Variants in CAMK2N1 observed in about 807,000 individuals in gnomAD.
The protein encoded by CAMK2N1 is calcium/calmodulin dependent protein kinase II inhibitor 1.
In CAMK2N1, 2 loss-of-function variants were observed where a neutral mutation model predicts 6.4. The observed-to-expected ratio is 0.31, with a 90% confidence interval of 0.13 to 0.98. The LOEUF (loss-of-function observed/expected upper bound fraction) is 0.98. Ranked by LOEUF, CAMK2N1 falls within the 50% of genes least tolerant of loss-of-function variation. The pLI is 0.51. For missense variants in CAMK2N1, 77 were observed against 107.3 expected, an observed-to-expected ratio of 0.72 and a Z score of 1.25; for synonymous variants, 42 against 47.5, an observed-to-expected ratio of 0.88 and a Z score of 0.47.
rs2051484550 is a variant in CAMK2N1 at position 20,483,421 on chromosome 1, T to A, written c.*228A>T. 1 of 293,828 alleles carries A rather than the reference T, an allele frequency of 3.4e-6. No homozygotes were observed. Among genetic ancestry groups the A allele is most frequent in the Non-Finnish European group, 6.1e-6 (1 of 162,980 alleles). 18.2% of individuals were successfully genotyped at this position (293,828 alleles called of 1,614,324 possible). ...AATTTTTATTATTTTTAAAATTTTA[T>A]TTATTTTTTTATTTTTATTTTTGCA... is the stretch of plus-strand genomic sequence containing the variant. On this transcript the variant is annotated 3_prime_UTR_variant, in exon 2 of 2. Transcript: ENST00000375078.
chr1:20,485,350 C>T lies in CAMK2N1; in HGVS notation c.30G>A (p.Glu10=), dbSNP rs1570323312. 3.9e-6 allele frequency: 6 copies of T among 1,534,402 alleles called. No homozygotes were observed. In the African/African-American group the frequency reaches 4.2e-5, roughly 11 times the overall value. The change falls in exon 1 of 2, where the codon GAG becomes GAA. Residue 10 remains glutamate (E), a synonymous_variant. Coordinates refer to ENST00000375078, the MANE Select transcript of CAMK2N1 (RefSeq NM_018584.6). The surrounding 1 kb of genome is among the most constrained non-coding windows in gnomAD (Gnocchi z 8.4). The stretch of plus-strand genomic sequence containing the variant: ...CGCCGTCGCCGTAGGGGCTCAGCTT[C>T]TCGTCGCCGTAGGGCAGCACCTCCG... MSEVLPYGD[E]KLSPYGDGGD...
In CAMK2N1 at chr1:20,485,134, G is replaced by C; in HGVS notation, c.166+80C>G. 7.0e-7 allele frequency: 1 copy of C among 1,432,412 alleles called. No individual in the cohort carries two copies. Among genetic ancestry groups the C allele is most frequent in the Non-Finnish European group, 9.3e-7 (1 of 1,074,288 alleles). 88.7% of individuals were successfully genotyped at this position (1,432,412 alleles called of 1,614,324 possible). On this transcript the variant is annotated intron_variant, in intron 1 of 1. Coordinates refer to ENST00000375078, the MANE Select transcript of CAMK2N1 (RefSeq NM_018584.6). This position sits in a 1 kb window ranked among gnomAD's most constrained non-coding sequence, Gnocchi z 8.4. ...CCGTCAGGTCTGAACGGGCTCCAGCGGGTGGGAGACCTCCGCAACCCTTGT... is the reference window on the plus strand; with the variant it reads ...CCGTCAGGTCTGAACGGGCTCCAGCCGGTGGGAGACCTCCGCAACCCTTGT...
chr1:20,485,578 C>G lies in CAMK2N1; in HGVS notation c.-199G>C. The stretch of plus-strand genomic sequence containing the variant: ...TCGCGCGAGCGGCCCGGAGAGCGCC[C>G]GCGGCTGCGCTGCGCTGCGCTCCGG... On this transcript the variant is annotated 5_prime_UTR_variant, in exon 1 of 2. Transcript: ENST00000375078. This position sits in a 1 kb window ranked among gnomAD's most constrained non-coding sequence, Gnocchi z 8.4. 1 of 170,060 alleles carries G rather than the reference C, an allele frequency of 5.9e-6. No individual in the cohort carries two copies. The allele number at this position is 170,060 out of a possible 1,614,324, so 10.5% of individuals were successfully genotyped here. A position where few individuals can be genotyped will look rare whatever the true frequency, so the allele number is the denominator to read the frequency against.
intron 1 of CAMK2N1, among the ~76,000 whole-genome samples, 165 bp from the exon 2 acceptor site, chr1:20,483,884 C>T (rs929287516): frequency 6.6e-6 from 1 of 152,208 alleles, no homozygotes; most frequent in Admixed American, 6.5e-5. Flanking sequence ...GCCAGGGGTC[C>T]CTTCCCTGCT....
rs771919188 is a variant in CAMK2N1 at position 20,485,374 on chromosome 1, C to G, written c.6G>C (p.Ser2=). 4.3e-6 allele frequency: 6 copies of G among 1,394,810 alleles called. No homozygotes were observed. In the African/African-American group the frequency reaches 9.0e-5, roughly 21 times the overall value. The allele number at this position is 1,394,810 out of a possible 1,614,324, so 86.4% of individuals were successfully genotyped here. Residue 2 remains serine (S), a synonymous_variant, in exon 1 of 2, where the codon TCG becomes TCC. Transcript: ENST00000375078. The surrounding 1 kb of genome is among the most constrained non-coding windows in gnomAD (Gnocchi z 8.4). ...TCTCGTCGCCGTAGGGCAGCACCTC[C>G]GACATGGTCGCGTCCGGGGGCTCCG... M[S]EVLPYGDEKL... is the part of the protein sequence containing the mutation.
intron 1 of CAMK2N1, 70 bp from the exon 2 acceptor site, chr1:20,483,789 T>C (rs1236018530): frequency 7.1e-7 from 1 of 1,411,698 alleles, no homozygotes; most frequent in African/African-American, 1.4e-5. Flanking sequence ...ACATTTCCCG[T>C]TATGCCCAGA....
At position 20,485,174 on chromosome 1, in the gene CAMK2N1, G is replaced by C; in HGVS notation, c.166+40C>G. The C allele has an allele frequency of 1.3e-6, 2 of 1,561,664 alleles. No individual in the cohort carries two copies. The highest frequency in any genetic ancestry group is 1.2e-5 in the South Asian group (1 of 86,376). On this transcript the variant is annotated intron_variant, in intron 1 of 1. Coordinates refer to ENST00000375078, the MANE Select transcript of CAMK2N1 (RefSeq NM_018584.6). This position sits in a 1 kb window ranked among gnomAD's most constrained non-coding sequence, Gnocchi z 8.4. ...GCAACCCTTGTTCAGGCCGCGGCGC[G>C]GGAAAAAGGGGGTGTCAGACAAGGG...
At position 20,482,859 on chromosome 1, in the gene CAMK2N1, G is replaced by A. The variant is rs1165507136; in HGVS notation, c.*790C>T. ...AAGCATTTTTTTCTTTGTTTTTCGT[G>A]TGTGTGTGTGTGTGTGTGTGTGTGT... On this transcript the variant is annotated 3_prime_UTR_variant, in exon 2 of 2. Coordinates refer to ENST00000375078, the MANE Select transcript of CAMK2N1 (RefSeq NM_018584.6). The A allele has an allele frequency of 9.0e-6, 1 of 110,584 alleles. No individual in the cohort carries two copies. The highest frequency in any genetic ancestry group is 3.3e-5 in the African/African-American group (1 of 30,036). 6.9% of individuals were successfully genotyped at this position (110,584 alleles called of 1,614,324 possible).
At position 20,485,466 on chromosome 1, in the gene CAMK2N1, G is replaced by GCGGCCGGCCGGGGA. The variant is rs2051503685; in HGVS notation, c.-101_-88dup. 1.0e-6 allele frequency: 1 copy of GCGGCCGGCCGGGGA among 971,934 alleles called. No individual in the cohort carries two copies. Among genetic ancestry groups the GCGGCCGGCCGGGGA allele is most frequent in the South Asian group, 4.7e-5 (1 of 21,416 alleles). The allele number at this position is 971,934 out of a possible 1,614,324, so 60.2% of individuals were successfully genotyped here. A position where few individuals can be genotyped will look rare whatever the true frequency, so the allele number is the denominator to read the frequency against. ...AGGGTCAGCGGCGCTGGGGCCGGGGGCGGCCGGCCGGGGACGGCCCGCGGG... is the reference window on the plus strand; with the variant it reads ...AGGGTCAGCGGCGCTGGGGCCGGGGGCGGCCGGCCGGGGACGGCCGGCCGGGGACGGCCCGCGGG... On this transcript the variant is annotated 5_prime_UTR_variant, in exon 1 of 2. Coordinates refer to ENST00000375078, the MANE Select transcript of CAMK2N1 (RefSeq NM_018584.6). The surrounding 1 kb of genome is among the most constrained non-coding windows in gnomAD (Gnocchi z 8.4).
In CAMK2N1 at chr1:20,485,175, G is replaced by T; in HGVS notation, c.166+39C>A. On this transcript the variant is annotated intron_variant, in intron 1 of 1. Transcript: ENST00000375078. The surrounding 1 kb of genome is among the most constrained non-coding windows in gnomAD (Gnocchi z 8.4). ...CAACCCTTGTTCAGGCCGCGGCGCG[G>T]GAAAAAGGGGGTGTCAGACAAGGGG... 6.4e-7 allele frequency: 1 copy of T among 1,563,788 alleles called. No individual in the cohort carries two copies. Among genetic ancestry groups the T allele is most frequent in the Non-Finnish European group, 8.6e-7 (1 of 1,158,850 alleles).
At position 20,483,428 on chromosome 1, in the gene CAMK2N1, T is replaced by A. The variant is rs1048008252; in HGVS notation, c.*221A>T. 39 of 316,674 alleles carry A rather than the reference T, an allele frequency of 1.2e-4. No homozygotes were observed. The highest frequency in any genetic ancestry group is 1.9e-4 in the African/African-American group (9 of 46,492). 19.6% of individuals were successfully genotyped at this position (316,674 alleles called of 1,614,324 possible). On this transcript the variant is annotated 3_prime_UTR_variant, in exon 2 of 2. Transcript: ENST00000375078. ...ATTATTTTTAAAATTTTATTTATTT[T>A]TTTATTTTTATTTTTGCAGAGGAGC...
In CAMK2N1 at chr1:20,485,722, TCCCTGCGAG is replaced by T. The variant is rs2051507443; in HGVS notation, c.-352_-344del. The T allele has an allele frequency of 6.6e-6, 1 of 150,458 alleles. No homozygotes were observed. The highest frequency in any genetic ancestry group is 1.5e-5 in the Non-Finnish European group (1 of 67,292). The allele number at this position is 150,458 out of a possible 1,614,324, so 9.3% of individuals were successfully genotyped here. A position where few individuals can be genotyped will look rare whatever the true frequency, so the allele number is the denominator to read the frequency against. ...GCCGCGAGCCGGGAGGGAGGAGACGTCCCTGCGAGCCCGGAGGGCGCGGGACCGAGGAGG... is the reference window on the plus strand; with the variant it reads ...GCCGCGAGCCGGGAGGGAGGAGACGTCCCGGAGGGCGCGGGACCGAGGAGG... On this transcript the variant is annotated 5_prime_UTR_variant, in exon 1 of 2. Coordinates refer to ENST00000375078, the MANE Select transcript of CAMK2N1 (RefSeq NM_018584.6). This position sits in a 1 kb window ranked among gnomAD's most constrained non-coding sequence, Gnocchi z 8.4.
Position 20,482,448 on chromosome 1 carries a change from T to A in CAMK2N1, c.*1201A>T, listed in dbSNP as rs892554099. ...TGGAGAAATAGCCCTGTGTGCTGGTTCAAGGTGCAACATACAGAATATTGA... is the reference window on the plus strand; with the variant it reads ...TGGAGAAATAGCCCTGTGTGCTGGTACAAGGTGCAACATACAGAATATTGA... On this transcript the variant is annotated 3_prime_UTR_variant, in exon 2 of 2. Transcript: ENST00000375078. 1 of 150,352 alleles carries A rather than the reference T, an allele frequency of 6.7e-6. No homozygotes were observed. Among genetic ancestry groups the A allele is most frequent in the Non-Finnish European group, 1.5e-5 (1 of 67,780 alleles). 9.3% of individuals were successfully genotyped at this position (150,352 alleles called of 1,614,324 possible). A position where few individuals can be genotyped will look rare whatever the true frequency, so the allele number is the denominator to read the frequency against.
At position 20,485,109 on chromosome 1, in the gene CAMK2N1, C is replaced by A; in HGVS notation, c.166+105G>T. 8.0e-7 allele frequency: 1 copy of A among 1,255,664 alleles called. No individual in the cohort carries two copies. Among genetic ancestry groups the A allele is most frequent in the Non-Finnish European group, 1.1e-6 (1 of 944,194 alleles). The allele number at this position is 1,255,664 out of a possible 1,614,324, so 77.8% of individuals were successfully genotyped here. A position where few individuals can be genotyped will look rare whatever the true frequency, so the allele number is the denominator to read the frequency against. The stretch of plus-strand genomic sequence containing the variant: ...TCCCCCAATTCTGCAAGAAGGGATT[C>A]CGTCAGGTCTGAACGGGCTCCAGCG... On this transcript the variant is annotated intron_variant, in intron 1 of 1. Coordinates refer to ENST00000375078, the MANE Select transcript of CAMK2N1 (RefSeq NM_018584.6). The surrounding 1 kb of genome is among the most constrained non-coding windows in gnomAD (Gnocchi z 8.4).
rs773958625 is a variant in CAMK2N1 at position 20,485,358 on chromosome 1, C to T, written c.22G>A (p.Gly8Ser). MSEVLPY[G>S]DEKLSPYGDG... ...CCGTAGGGGCTCAGCTTCTCGTCGC[C>T]GTAGGGCAGCACCTCCGACATGGTC... Residue 8 changes from glycine to serine, a missense_variant, in exon 1 of 2, where the codon GGC becomes AGC. Gly to Ser is a moderately conservative substitution (Grantham distance 56, BLOSUM62 0). Coordinates refer to ENST00000375078, the MANE Select transcript of CAMK2N1 (RefSeq NM_018584.6). This position sits in a 1 kb window ranked among gnomAD's most constrained non-coding sequence, Gnocchi z 8.4. 1.3e-6 allele frequency: 2 copies of T among 1,499,720 alleles called. No individual in the cohort carries two copies. The highest frequency in any genetic ancestry group is 8.9e-7 in the Non-Finnish European group (1 of 1,123,406). The allele number at this position is 1,499,720 out of a possible 1,614,324, so 92.9% of individuals were successfully genotyped here. A position where few individuals can be genotyped will look rare whatever the true frequency, so the allele number is the denominator to read the frequency against.
chr1:20,483,787 C>T (rs1030405086), intron 1 of CAMK2N1, 68 bp from the exon 2 acceptor site: 1 of 1,423,192 alleles, frequency 7.0e-7, no homozygotes, highest in African/African-American at 1.4e-5. Flanking sequence ...TGACATTTCC[C>T]GTTATGCCCA....
At chr1:20,483,791 A>G in intron 1 of CAMK2N1, 72 bp from the exon 2 acceptor site, 1 of 1,392,130 alleles carries the variant, frequency 7.2e-7, no homozygotes. Context: ...ATTTCCCGTT[A>G]TGCCCAGAGT....
rs1462205455 is a variant in CAMK2N1, at chr1:20,485,416, G to A, written c.-37C>T. 1.6e-6 allele frequency: 2 copies of A among 1,264,632 alleles called. No individual in the cohort carries two copies. Among genetic ancestry groups the A allele is most frequent in the Non-Finnish European group, 2.0e-6 (2 of 1,001,136 alleles). 78.3% of individuals were successfully genotyped at this position (1,264,632 alleles called of 1,614,324 possible). A position where few individuals can be genotyped will look rare whatever the true frequency, so the allele number is the denominator to read the frequency against. Reference sequence around the variant, plus strand: ...GGGGCTCCGCCGCGGCGCCTCCTCCGCCCGCGTCCCCGCCCGCGGCGGACA... The same window carrying A: ...GGGGCTCCGCCGCGGCGCCTCCTCCACCCGCGTCCCCGCCCGCGGCGGACA... On this transcript the variant is annotated 5_prime_UTR_variant, in exon 1 of 2. Coordinates refer to ENST00000375078, the MANE Select transcript of CAMK2N1 (RefSeq NM_018584.6). This position sits in a 1 kb window ranked among gnomAD's most constrained non-coding sequence, Gnocchi z 8.4.
chr1:20,484,929 G>A lies in CAMK2N1; in HGVS notation c.166+285C>T, dbSNP rs1367615861. On this transcript the variant is annotated intron_variant, in intron 1 of 1. Coordinates refer to ENST00000375078, the MANE Select transcript of CAMK2N1 (RefSeq NM_018584.6). The surrounding 1 kb of genome is among the most constrained non-coding windows in gnomAD (Gnocchi z 6.8). ...TGACTACACTGCGCAAAAGGCGGGGGTGGGGGGCGCAAATCAAAAAGCAAA... is the reference window on the plus strand; with the variant it reads ...TGACTACACTGCGCAAAAGGCGGGGATGGGGGGCGCAAATCAAAAAGCAAA... 6.6e-6 allele frequency among the ~76,000 whole-genome samples: 1 copy of A among 152,186 alleles called. No individual in the cohort carries two copies. Among genetic ancestry groups the A allele is most frequent in the African/African-American group, 2.4e-5 (1 of 41,460 alleles).
Sources: allele counts gnomAD v4.1 joint callset (sites outside exome capture counted in the v4.1 genomes callset), GRCh38; gene constraint gnomAD v4.1.1; non-coding constraint Gnocchi (gnomAD v3.1); transcripts MANE v1.5; gene names NCBI Gene and HGNC (gene_info 2026-07-23, HGNC 2026-07-21).